The following MAGED1 variants were observed in gnomAD, a reference collection of about 807,000 sequenced individuals.
MAGED1 encodes MAGE family member D1.
A neutral mutation model predicts 54.1 loss-of-function variants in MAGED1; 3 were observed. The observed-to-expected ratio is 0.06, with a 90% CI of 0.03 to 0.14. The LOEUF is 0.14. Ranked by LOEUF, MAGED1 falls within the 10% of genes least tolerant of loss-of-function variation. The pLI, the probability that MAGED1 is intolerant of heterozygous loss-of-function variation, is 1.00. For missense variants in MAGED1, 485 were observed against 623.4 expected, an observed-to-expected ratio of 0.78 and a Z score of 2.36; for synonymous variants, 217 against 227.3, an observed-to-expected ratio of 0.95 and a Z score of 0.41.
intron 3 of MAGED1, chrX:51,896,080 G>A (rs1928737756): frequency 2.1e-5 from 8 of 378,883 alleles, no homozygotes; most frequent in Non-Finnish European, 3.2e-5. Flanking sequence ...ACCAGGTAGG[G>A]ATCATAGTGC....
intron 1 of MAGED1, among the ~76,000 whole-genome samples, chrX:51,863,228 C>T (rs1557360822): frequency 8.9e-6 from 1 of 112,031 alleles, no homozygotes; most frequent in African/African-American, 3.2e-5. Context: ...ATTTGTCTTT[C>T]CGTGTTTGGC....
chrX:51,866,770 G>A (rs2146991247), intron 1 of MAGED1, among the ~76,000 whole-genome samples: 1 of 111,558 alleles, frequency 9.0e-6, no homozygotes, highest in Non-Finnish European at 1.9e-5. Flanking sequence ...TACCCATTCA[G>A]AATTTGAATT....
chrX:51,847,557 G>GAA (rs368983468), intron 1 of MAGED1, among the ~76,000 whole-genome samples: 1 of 103,674 alleles, frequency 9.6e-6, no homozygotes, highest in Non-Finnish European at 2.0e-5. Context: ...GGGTGAAAAG[G>GAA]AAAAAAAAAA....
At chrX:51,840,564 C>G (rs1926422783) in intron 1 of MAGED1, among the ~76,000 whole-genome samples, 1 of 109,767 alleles carries the variant, frequency 9.1e-6, no homozygotes, top group Admixed American at 9.7e-5. Flanking sequence ...AGGTATATCT[C>G]CTAATGCTAT....
At chrX:51,897,980 A>C (rs1215942183) in intron 7 of MAGED1, 94 bp downstream of exon 7, 2 of 883,788 alleles carry the variant, frequency 2.3e-6, no homozygotes, top group East Asian at 3.2e-5. Flanking sequence ...TCAGGGTCAC[A>C]TAGCAGGTCA....
At chrX:51,844,787 C>T (rs918590810) in intron 1 of MAGED1, among the ~76,000 whole-genome samples, 1 of 111,745 alleles carries the variant, frequency 8.9e-6, no homozygotes, top group Non-Finnish European at 1.9e-5. Flanking sequence ...GGAGTGAATA[C>T]TGAGACATAC....
chrX:51,821,550 C>T (rs1246416193), intron 1 of MAGED1, among the ~76,000 whole-genome samples: 1 of 110,801 alleles, frequency 9.0e-6, no homozygotes, highest in Non-Finnish European at 1.9e-5. Context: ...GCCACCTTGC[C>T]GGATAGTTTT....
At chrX:51,851,743 G>T (rs1231961441) in intron 1 of MAGED1, among the ~76,000 whole-genome samples, 1 of 108,845 alleles carries the variant, frequency 9.2e-6, no homozygotes, top group African/African-American at 3.4e-5. Flanking sequence ...TCATGGCCCA[G>T]GTGGTACAGC....
At chrX:51,835,955 A>G (rs182857223) in intron 1 of MAGED1, among the ~76,000 whole-genome samples, 103 of 111,622 alleles carry the variant, frequency 9.2e-4, no homozygotes, top group African/African-American at 3.1e-3. Context: ...TTTTATTTCC[A>G]TTTTTTCAAA....
At chrX:51,874,288 G>A (rs781810326) in intron 1 of MAGED1, among the ~76,000 whole-genome samples, 16 of 111,234 alleles carry the variant, frequency 1.4e-4, no homozygotes, top group Non-Finnish European at 2.5e-4. Flanking sequence ...CTATGGAGGG[G>A]AAGTACATGG....
At chrX:51,864,187 A>AGT (rs1392923916) in intron 1 of MAGED1, among the ~76,000 whole-genome samples, 46 of 95,630 alleles carry the variant, frequency 4.8e-4, no homozygotes, top group Admixed American at 3.9e-3. Flanking sequence ...AGAGAGAGAG[A>AGT]GAGTGTGTGT....
Position 51,850,873 on chromosome X carries a change from C to G in MAGED1, c.-36-43396C>G, listed in dbSNP as rs969417869. Among the ~76,000 whole-genome samples the G allele has an allele frequency of 1.4e-4, 15 of 110,905 alleles. No homozygotes were observed. In the East Asian group the frequency reaches 4.3e-3, roughly 32 times the overall value. The stretch of plus-strand genomic sequence containing the variant: ...TGAGATGGTGCCATTGCACTCCAGC[C>G]TGGGCGACAAGAGTGAAACTCCATC... On this transcript the variant is annotated intron_variant, in intron 1 of 12. Transcript: ENST00000375772.
chrX:51,850,077 G>A (rs782239065), intron 1 of MAGED1, among the ~76,000 whole-genome samples: 2 of 110,560 alleles, frequency 1.8e-5, no homozygotes, highest in Non-Finnish European at 3.8e-5. Context: ...GCAACACCAC[G>A]CCTGTTTAAC....
At chrX:51,837,279 G>A (rs946364228) in intron 1 of MAGED1, among the ~76,000 whole-genome samples, 1 of 112,115 alleles carries the variant, frequency 8.9e-6, no homozygotes, top group Non-Finnish European at 1.9e-5. Context: ...AAAGTGTTAA[G>A]ATTCTCATAA....
chrX:51,883,703 A>C, intron 1 of MAGED1, among the ~76,000 whole-genome samples: 1 of 112,192 alleles, frequency 8.9e-6, no homozygotes, highest in Non-Finnish European at 1.9e-5. Context: ...CGTCCTAAAA[A>C]TGTTTCAGTG....
At chrX:51,832,316 C>T (rs782022674) in intron 1 of MAGED1, among the ~76,000 whole-genome samples, 10 of 112,060 alleles carry the variant, frequency 8.9e-5, no homozygotes, top group African/African-American at 2.6e-4. Context: ...AGGCATGAGC[C>T]ACTGCACTCG....
upstream of MAGED1, among the ~76,000 whole-genome samples, chrX:51,890,021 C>T (rs1282518899): frequency 8.9e-6 from 1 of 112,466 alleles, no homozygotes; most frequent in African/African-American, 3.2e-5. Context: ...TTACTGTGGC[C>T]TTGGCCCACA....
chrX:51,869,578 CAG>C (rs1384446178), intron 1 of MAGED1, among the ~76,000 whole-genome samples: 1 of 110,322 alleles, frequency 9.1e-6, no homozygotes, highest in Non-Finnish European at 1.9e-5. Context: ...TTTTAAGAGA[CAG>C]GGTATCCGCC....
intron 10 of MAGED1, chrX:51,899,768 C>A (rs2147024338): frequency 7.1e-6 from 1 of 141,139 alleles, no homozygotes; most frequent in Non-Finnish European, 1.3e-5. Context: ...TTCTACTTTT[C>A]TAAGCAGTTG....
Sources: allele counts gnomAD v4.1 joint callset (sites outside exome capture counted in the v4.1 genomes callset), GRCh38; gene constraint gnomAD v4.1.1; transcripts MANE v1.5; gene names NCBI Gene and HGNC (gene_info 2026-07-23, HGNC 2026-07-21).